RCOR1: variants seen among roughly 807,000 people sequenced by gnomAD.
RCOR1 encodes the protein REST corepressor 1.
Under a neutral mutation model 64.0 loss-of-function variants are expected in RCOR1, and 12 were observed. The observed-to-expected ratio is 0.19, with a 90% CI of 0.12 to 0.30. The LOEUF is 0.30. RCOR1 is among the 10% of genes least tolerant of loss of function. The pLI is 1.00. For synonymous variants in RCOR1, 279 were observed against 227.2 expected (o/e 1.23, Z -2.05); for missense variants, 502 against 621.2 (o/e 0.81, Z 2.04).
chr14:102,608,098 T>A (rs1219794676), intron 2 of RCOR1, among the ~76,000 whole-genome samples: 2 of 152,044 alleles, frequency 1.3e-5, no homozygotes, highest in Non-Finnish European at 2.9e-5. Flanking sequence ...AATGAACAAT[T>A]CAGTGGCATT....
chr14:102,609,128 C>T (rs1470229992), intron 2 of RCOR1, among the ~76,000 whole-genome samples: 1 of 150,176 alleles, frequency 6.7e-6, no homozygotes, highest in Non-Finnish European at 1.5e-5. Context: ...TCACTGCAAC[C>T]TCTGCCTCCC....
chr14:102,621,863 A>G (rs965550779), intron 2 of RCOR1, among the ~76,000 whole-genome samples: 1 of 152,120 alleles, frequency 6.6e-6, no homozygotes, highest in African/African-American at 2.4e-5. Context: ...TCTTGTTTGT[A>G]GGGATTTTGT....
chr14:102,632,543 T>A (rs1894136269), intron 2 of RCOR1, among the ~76,000 whole-genome samples: 1 of 151,942 alleles, frequency 6.6e-6, no homozygotes, highest in African/African-American at 2.4e-5. Flanking sequence ...CCTGAAGGAT[T>A]TTTCGTTCTT....
At chr14:102,674,661 C>T (rs903503527) in intron 2 of RCOR1, among the ~76,000 whole-genome samples, 3 of 152,128 alleles carry the variant, frequency 2.0e-5, no homozygotes, top group African/African-American at 4.8e-5. Flanking sequence ...CCCTACTAGC[C>T]GTGTGAATAA....
chr14:102,670,165 G>T (rs1395471742), intron 2 of RCOR1, among the ~76,000 whole-genome samples: 1 of 152,092 alleles, frequency 6.6e-6, no homozygotes, highest in Non-Finnish European at 1.5e-5. Flanking sequence ...TGGACAGGCT[G>T]GTCTCAAACT....
rs1338181674 is a variant in RCOR1 at position 102,616,198 on chromosome 14, ATGTGTATATGTGTGTGTGTGTGTG to A, written c.361+22879_361+22902del. On this transcript the variant is annotated intron_variant, in intron 2 of 11. Transcript: ENST00000262241. ...TTTATCCATTTATTACAAAAGATAC[ATGTGTATATGTGTGTGTGTGTGTG>A]TGTGTGTGTGTGTGTGTGTGTGTGT... Among the ~76,000 whole-genome samples, 9 of 144,514 alleles carry A rather than the reference ATGTGTATATGTGTGTGTGTGTGTG, an allele frequency of 6.2e-5. No homozygotes were observed. The East Asian group carries it at 1.6e-3, about 26-fold the overall frequency. The allele number at this position is 144,514 out of a possible 152,430, so 94.8% of individuals were successfully genotyped here.
intron 2 of RCOR1, among the ~76,000 whole-genome samples, chr14:102,601,566 AGAG>A (rs1893398433): frequency 6.6e-6 from 1 of 152,222 alleles, no homozygotes; most frequent in South Asian, 2.1e-4. Context: ...CTGTGAAAGA[AGAG>A]AGGGAAGGAA....
intron 2 of RCOR1, chr14:102,643,502 A>G (rs1894415435): frequency 4.9e-6 from 1 of 202,976 alleles, no homozygotes; most frequent in South Asian, 1.7e-4. Flanking sequence ...GGTGGTAGTG[A>G]TGCTGGAGGA....
intron 2 of RCOR1, among the ~76,000 whole-genome samples, chr14:102,680,910 C>G (rs889327128): frequency 1.3e-5 from 2 of 152,154 alleles, no homozygotes; most frequent in African/African-American, 4.8e-5. Context: ...TTAATTTTAC[C>G]TAATTCATAC....
At chr14:102,698,584 A>G (rs2139976103) in intron 3 of RCOR1, among the ~76,000 whole-genome samples, 1 of 152,346 alleles carries the variant, frequency 6.6e-6, no homozygotes. Flanking sequence ...AGTTTTAAAC[A>G]AGCAGACCTT....
intron 2 of RCOR1, among the ~76,000 whole-genome samples, chr14:102,608,974 GTA>G (rs1567406126): frequency 6.7e-6 from 1 of 149,658 alleles, no homozygotes; most frequent in Non-Finnish European, 1.5e-5. Flanking sequence ...CCTTTTAGGG[GTA>G]TATATCTATT....
intron 2 of RCOR1, among the ~76,000 whole-genome samples, chr14:102,681,489 T>C (rs753047611): frequency 3.8e-4 from 58 of 152,268 alleles, no homozygotes; most frequent in Non-Finnish European, 6.6e-4. Flanking sequence ...TAAATAGTTA[T>C]TCTTTAATAA....
At chr14:102,708,431 T>C (rs747054052) in intron 5 of RCOR1, 34 bp from the exon 6 acceptor site, 4 of 1,204,366 alleles carry the variant, frequency 3.3e-6, no homozygotes, top group Admixed American at 1.7e-5. Flanking sequence ...ATTACTTTTT[T>C]ATTTAAATAA....
At position 102,708,459 on chromosome 14, in the gene RCOR1, G is replaced by A. The variant is rs1567442924; in HGVS notation, c.661-6G>A. 1 of 1,406,784 alleles carries A rather than the reference G, an allele frequency of 7.1e-7. No individual in the cohort carries two copies. Among genetic ancestry groups the A allele is most frequent in the Non-Finnish European group, 1.0e-6 (1 of 993,846 alleles). 87.1% of individuals were successfully genotyped at this position (1,406,784 alleles called of 1,614,324 possible). On this transcript the variant is annotated splice_region_variant and splice_polypyrimidine_tract_variant and intron_variant, in intron 5 of 11. Transcript: ENST00000262241. The stretch of plus-strand genomic sequence containing the variant: ...TTAAATAAACCAACTCATTTTTTAT[G>A]TTTAGCTTCCAGATAAATCTATAGC...
At chr14:102,600,318 G>T (rs1481502879) in intron 2 of RCOR1, among the ~76,000 whole-genome samples, 1 of 149,614 alleles carries the variant, frequency 6.7e-6, no homozygotes, top group East Asian at 2.0e-4. Context: ...CTCGTGATCC[G>T]CCCACCTCGG....
intron 2 of RCOR1, among the ~76,000 whole-genome samples, chr14:102,599,930 A>T (rs1346111957): frequency 6.6e-6 from 1 of 151,154 alleles, no homozygotes; most frequent in Non-Finnish European, 1.5e-5. Context: ...CAGCCTCATC[A>T]GTTGCTGGGA....
chr14:102,679,081 C>G (rs1895250716), intron 2 of RCOR1, among the ~76,000 whole-genome samples: 1 of 152,192 alleles, frequency 6.6e-6, no homozygotes, highest in South Asian at 2.1e-4. Flanking sequence ...TAGTGTATCT[C>G]AACAGTGCCT....
intron 2 of RCOR1, among the ~76,000 whole-genome samples, chr14:102,630,242 T>A (rs79583847): frequency 0.023 from 3,556 of 152,194 alleles, 128 homozygotes; most frequent in African/African-American, 0.076. Flanking sequence ...CTGGCGCCTC[T>A]CTCTTGCTGC....
chr14:102,711,060 A>G lies in RCOR1; in HGVS notation c.858+47A>G, dbSNP rs201779391. ...GTTTAGGCGAATAAATTTTATTACT[A>G]GTTTCATAAATAAAACATTCATGTT... On this transcript the variant is annotated intron_variant, in intron 7 of 11. Coordinates refer to ENST00000262241, the MANE Select transcript of RCOR1 (RefSeq NM_015156.4). 3.3e-6 allele frequency: 4 copies of G among 1,225,026 alleles called. No individual in the cohort carries two copies. The East Asian group carries it at 9.5e-5, about 29-fold the overall frequency. The allele number at this position is 1,225,026 out of a possible 1,614,324, so 75.9% of individuals were successfully genotyped here.
Sources: allele counts gnomAD v4.1 joint callset (sites outside exome capture counted in the v4.1 genomes callset), GRCh38; gene constraint gnomAD v4.1.1; transcripts MANE v1.5; gene names NCBI Gene and HGNC (gene_info 2026-07-23, HGNC 2026-07-21).